Variants in PTCHD4 observed in about 807,000 individuals in gnomAD.
PTCHD4 encodes patched domain containing 4, also known as patched domain-containing protein 4.
PTCHD4 carries 33 observed loss-of-function variants against 58.1 expected under a neutral mutation model. The ratio of observed to expected loss-of-function variants is 0.57; its 90% CI spans 0.43 to 0.76. PTCHD4 has a LOEUF of 0.76. Among genes scored for constraint, PTCHD4 ranks in the 30% least tolerant of loss-of-function variants. The pLI is 0.00. For missense variants in PTCHD4, 1,058 were observed against 1,027.1 expected, an observed-to-expected ratio of 1.03 and a Z score of -0.41; for synonymous variants, 478 against 409.6, an observed-to-expected ratio of 1.17 and a Z score of -2.02.
At chr6:47,915,469 C>A (rs970382027) in intron 4 of PTCHD4, among the ~76,000 whole-genome samples, 8 of 152,046 alleles carry the variant, frequency 5.3e-5, no homozygotes, top group African/African-American at 1.9e-4. Context: ...TCCTAAGCAT[C>A]TTTCGCAGAT....
In PTCHD4 at chr6:47,911,138, T is replaced by C. The variant is rs559125537; in HGVS notation, c.899-31202A>G. Among the ~76,000 whole-genome samples, 12 of 152,260 alleles carry C rather than the reference T, an allele frequency of 7.9e-5. No individual in the cohort carries two copies. In the East Asian group the frequency reaches 2.3e-3, roughly 29 times the overall value. On this transcript the variant is annotated intron_variant, in intron 4 of 4. Coordinates refer to ENST00000339488, the MANE Select transcript of PTCHD4 (RefSeq NM_001384253.1). ...TGGAAAATATATTCCCAAAGGTTCC[T>C]TGCACTCTGGTCTTCAGCTAGCTTT...
At chr6:47,927,255 G>A (rs1395316675) in intron 4 of PTCHD4, among the ~76,000 whole-genome samples, 2 of 152,196 alleles carry the variant, frequency 1.3e-5, no homozygotes, top group Admixed American at 6.5e-5. Flanking sequence ...CAAAATCTCT[G>A]TGGGGCTGTG....
In PTCHD4 at chr6:47,860,671, G is replaced by C. The variant is rs1231079192; in HGVS notation, c.*17632C>G. Among the ~76,000 whole-genome samples, 1 of 151,468 alleles carries C rather than the reference G, an allele frequency of 6.6e-6. No individual in the cohort carries two copies. The highest frequency in any genetic ancestry group is 1.5e-5 in the Non-Finnish European group (1 of 67,842). ...CATATCTTCAATTTCCTAGAGTATT[G>C]TTACCTAGCAGGGTCAGGGCTATTA... On this transcript the variant is annotated 3_prime_UTR_variant, in exon 5 of 5. Coordinates refer to ENST00000339488, the MANE Select transcript of PTCHD4 (RefSeq NM_001384253.1).
intron 4 of PTCHD4, among the ~76,000 whole-genome samples, chr6:48,002,665 C>T (rs900354053): frequency 3.3e-5 from 5 of 151,734 alleles, no homozygotes; most frequent in African/African-American, 9.7e-5. Context: ...TGTTAAATGA[C>T]GAGTTACTGG....
intron 4 of PTCHD4, among the ~76,000 whole-genome samples, chr6:47,967,067 C>T (rs1345050592): frequency 2.0e-5 from 3 of 152,176 alleles, no homozygotes; most frequent in Non-Finnish European, 4.4e-5. Context: ...CCAGATTCAT[C>T]AGAGGAATCA....
chr6:47,999,397 C>T (rs1768632214), intron 4 of PTCHD4, among the ~76,000 whole-genome samples: 1 of 152,154 alleles, frequency 6.6e-6, no homozygotes, highest in African/African-American at 2.4e-5. Flanking sequence ...TCCAACTAAA[C>T]ATTCCAGATG....
intron 1 of PTCHD4, among the ~76,000 whole-genome samples, chr6:48,091,964 G>A (rs556511840): frequency 1.3e-4 from 20 of 151,376 alleles, no homozygotes; most frequent in African/African-American, 2.4e-4. Context: ...TTTCTAAGAT[G>A]CCCAGATTAA....
At position 47,860,136 on chromosome 6, in the gene PTCHD4, T is replaced by G. The variant is rs930010538; in HGVS notation, c.*18167A>C. Among the ~76,000 whole-genome samples, 2 of 152,058 alleles carry G rather than the reference T, an allele frequency of 1.3e-5. No homozygotes were observed. Among genetic ancestry groups the G allele is most frequent in the African/African-American group, 2.4e-5 (1 of 41,436 alleles). On this transcript the variant is annotated 3_prime_UTR_variant, in exon 5 of 5. Coordinates refer to ENST00000339488, the MANE Select transcript of PTCHD4 (RefSeq NM_001384253.1). ...ATGCCAATAGTTCCCTATACCCAGA[T>G]TCTCTTAACTCTAAAGTATGAATCA...
chr6:48,023,149 A>G (rs1317032318), intron 3 of PTCHD4, among the ~76,000 whole-genome samples: 1 of 152,172 alleles, frequency 6.6e-6, no homozygotes. Flanking sequence ...AATGAGATCA[A>G]TTCATGGATG....
rs542778865 is a variant in PTCHD4, at chr6:47,877,152, G to A, written c.*1151C>T. 1.3e-5 allele frequency among the ~76,000 whole-genome samples: 2 copies of A among 152,126 alleles called. No homozygotes were observed. The highest frequency in any genetic ancestry group is 4.1e-4 in the South Asian group (2 of 4,830). On this transcript the variant is annotated 3_prime_UTR_variant, in exon 5 of 5. Coordinates refer to ENST00000339488, the MANE Select transcript of PTCHD4 (RefSeq NM_001384253.1). ...AACTAGTAGATGGCATGTGATGAGT[G>A]GGTATGGTCCATTTTATTCTATTTC...
At chr6:48,009,653 G>A (rs1269217293) in intron 3 of PTCHD4, among the ~76,000 whole-genome samples, 1 of 152,084 alleles carries the variant, frequency 6.6e-6, no homozygotes, top group Non-Finnish European at 1.5e-5. Context: ...GAATATAATT[G>A]CATACCGAAG....
intron 3 of PTCHD4, among the ~76,000 whole-genome samples, chr6:48,037,082 C>G (rs1475543747): frequency 1.3e-5 from 2 of 152,116 alleles, no homozygotes; most frequent in African/African-American, 2.4e-5. Flanking sequence ...GCCTAAGTCT[C>G]TGTCACAATG....
intron 3 of PTCHD4, among the ~76,000 whole-genome samples, chr6:48,057,527 A>G (rs1212603653): frequency 2.0e-5 from 3 of 152,224 alleles, no homozygotes; most frequent in African/African-American, 7.2e-5. Flanking sequence ...TAAGGGAACT[A>G]CCTACCTCTA....
chr6:47,950,460 AG>A (rs1766599014), intron 4 of PTCHD4, among the ~76,000 whole-genome samples: 1 of 152,292 alleles, frequency 6.6e-6, no homozygotes, highest in South Asian at 2.1e-4. Context: ...AGAGATGAAA[AG>A]GTTACATAGA....
At chr6:47,893,248 A>G (rs949478677) in intron 4 of PTCHD4, among the ~76,000 whole-genome samples, 10 of 152,068 alleles carry the variant, frequency 6.6e-5, no homozygotes, top group Non-Finnish European at 1.3e-4. Context: ...TGACCTCATG[A>G]TCTGTCCACC....
rs1763411883 is a variant in PTCHD4, at chr6:47,860,962, G to C, written c.*17341C>G. 6.6e-6 allele frequency among the ~76,000 whole-genome samples: 1 copy of C among 152,050 alleles called. No homozygotes were observed. The highest frequency in any genetic ancestry group is 1.9e-4 in the East Asian group (1 of 5,146). On this transcript the variant is annotated 3_prime_UTR_variant, in exon 5 of 5. Coordinates refer to ENST00000339488, the MANE Select transcript of PTCHD4 (RefSeq NM_001384253.1). ...TATAGTCCAACTAAGAAACAGAGTT[G>C]ATGTGCTCCATGCTGAGGTCGAATG...
At chr6:47,974,204 CAA>C in intron 4 of PTCHD4, among the ~76,000 whole-genome samples, 1 of 152,152 alleles carries the variant, frequency 6.6e-6, no homozygotes, top group East Asian at 1.9e-4. Context: ...GCAAAGAAAA[CAA>C]GAGAAAAGTT....
intron 3 of PTCHD4, among the ~76,000 whole-genome samples, chr6:48,040,749 A>G (rs949277680): frequency 1.3e-5 from 2 of 152,096 alleles, no homozygotes; most frequent in African/African-American, 4.8e-5. Context: ...TTTTACAGAG[A>G]GAAGTCAAGA....
Position 47,867,710 on chromosome 6 carries a change from A to G in PTCHD4, c.*10593T>C, listed in dbSNP as rs911131979. 2.0e-5 allele frequency among the ~76,000 whole-genome samples: 3 copies of G among 151,630 alleles called. No homozygotes were observed. The highest frequency in any genetic ancestry group is 6.6e-5 in the Admixed American group (1 of 15,176). The stretch of plus-strand genomic sequence containing the variant: ...TTGAGCCCATCCTCCATCTCTATCT[A>G]TTAGAATCTTACCCACACTTCAATG... On this transcript the variant is annotated 3_prime_UTR_variant, in exon 5 of 5. Transcript: ENST00000339488.
Sources: allele counts gnomAD v4.1 joint callset (sites outside exome capture counted in the v4.1 genomes callset), GRCh38; gene constraint gnomAD v4.1.1; transcripts MANE v1.5; gene names NCBI Gene and HGNC (gene_info 2026-07-23, HGNC 2026-07-21).